CCDC14: variants seen among roughly 807,000 people sequenced by gnomAD.
CCDC14 encodes coiled-coil domain-containing protein 14.
CCDC14 carries 71 observed loss-of-function variants against 81.4 expected under a neutral mutation model. That is an observed-to-expected ratio of 0.87 (90% CI 0.72 to 1.06). The LOEUF (loss-of-function observed/expected upper bound fraction) is 1.06, where lower values mean the gene tolerates loss of function less well. Ranked by LOEUF, CCDC14 falls within the 50% of genes least tolerant of loss-of-function variation. CCDC14 has a pLI of 0.00. For synonymous variants in CCDC14, 332 were observed against 364.8 expected, an observed-to-expected ratio of 0.91 and a Z score of 1.03; for missense variants, 1,046 against 1,047.3, an observed-to-expected ratio of 1.00 and a Z score of 0.02.
At position 123,946,988 on chromosome 3, in the gene CCDC14, T is replaced by C; in HGVS notation, c.1016A>G (p.Glu339Gly). The C allele has an allele frequency of 6.2e-7, 1 of 1,614,032 alleles. No homozygotes were observed. The highest frequency in any genetic ancestry group is 8.5e-7 in the Non-Finnish European group (1 of 1,179,890). The part of the protein sequence containing the change: ...QSQPAFLATN[E>G]EKCAREQIRE... ...AATTTGCTCTCTGGCACATTTTTCT[T>C]CATTAGTGGCCAAGAAAGCTGGTTG... The change falls in exon 8 of 13, where the codon GAA (glutamate) becomes GGA (glycine). Residue 339 changes from glutamate (E) to glycine (G), a missense_variant. Coordinates refer to ENST00000409697, the MANE Select transcript of CCDC14 (RefSeq NM_001366335.1).
At chr3:123,948,323 C>T (rs575386729) in intron 7 of CCDC14, among the ~76,000 whole-genome samples, 1 of 151,840 alleles carries the variant, frequency 6.6e-6, no homozygotes, top group South Asian at 2.1e-4. Flanking sequence ...GCTACCTCTG[C>T]CTCCTGGGTC....
Position 123,914,800 on chromosome 3 carries a change from C to T in CCDC14, c.2697G>A (p.Arg899=). The change falls in exon 13 of 13, where the codon AGG becomes AGA. Residue 899 remains arginine (R), a synonymous_variant. Coordinates refer to ENST00000409697, the MANE Select transcript of CCDC14 (RefSeq NM_001366335.1). ...ANIARLQKSL[R]TGLLEK ...GAATTCATTTCTCCAGAAGACCAGT[C>T]CTTAAAGACTTCTGGAGTCTAGCTA... 2.6e-6 allele frequency: 4 copies of T among 1,559,960 alleles called. No homozygotes were observed. Among genetic ancestry groups the T allele is most frequent in the Non-Finnish European group, 2.6e-6 (3 of 1,152,252 alleles).
intron 7 of CCDC14, among the ~76,000 whole-genome samples, chr3:123,947,691 C>G (rs2036730174): frequency 6.6e-6 from 1 of 152,032 alleles, no homozygotes; most frequent in Admixed American, 6.6e-5. Flanking sequence ...TAGTCATGGC[C>G]TTGTAATGCT....
At chr3:123,903,501 C>T (rs1037865189) in intron 5 of CCDC14, among the ~76,000 whole-genome samples, 3 of 152,142 alleles carry the variant, frequency 2.0e-5, no homozygotes, top group Admixed American at 1.3e-4. Flanking sequence ...AGCAGTTCTA[C>T]TCCTGGGACT....
chr3:123,940,186 G>T (rs528607798), intron 9 of CCDC14, among the ~76,000 whole-genome samples: 4 of 151,560 alleles, frequency 2.6e-5, no homozygotes, highest in African/African-American at 9.7e-5. Flanking sequence ...AAAACTTCAG[G>T]CTTCACAATA....
intron 10 of CCDC14, among the ~76,000 whole-genome samples, chr3:123,932,318 C>A (rs1292719898): frequency 6.6e-6 from 1 of 152,190 alleles, no homozygotes; most frequent in African/African-American, 2.4e-5. Context: ...GGCCTCCTCT[C>A]TCCTACCCTC....
rs1394729890 is a variant in CCDC14, at chr3:123,914,901, T to C, written c.2596A>G (p.Ile866Val). Residue 866 changes from isoleucine to valine, a missense_variant, in exon 13 of 13, where the codon ATC (isoleucine) becomes GTC (valine). Ile to Val is a conservative substitution (Grantham distance 29). Coordinates refer to ENST00000409697, the MANE Select transcript of CCDC14 (RefSeq NM_001366335.1). The part of the protein sequence containing the change: ...FTSDLMSDWS[I>V]SSFSTFTSRD... ...GAAGTGAACGTTGAAAACGAAGAGA[T>C]GCTCCAGTCAGACATCAAGTCAGAA... The C allele has an allele frequency of 6.2e-7, 1 of 1,613,994 alleles. No individual in the cohort carries two copies. The highest frequency in any genetic ancestry group is 8.5e-7 in the Non-Finnish European group (1 of 1,179,878).
At chr3:123,921,666 T>C (rs1003765651) in intron 12 of CCDC14, among the ~76,000 whole-genome samples, 17 of 152,276 alleles carry the variant, frequency 1.1e-4, no homozygotes, top group African/African-American at 4.1e-4. Flanking sequence ...TCCAAGCTTT[T>C]GGCCTCCCTG....
At chr3:123,886,125 A>G in the CCDC14 span, among the ~76,000 whole-genome samples, 1 of 151,576 alleles carries the variant, frequency 6.6e-6, no homozygotes, top group African/African-American at 2.4e-5. Context: ...GCTCCTTTTG[A>G]TAAGATTCTA....
At chr3:123,917,703 T>C (rs1206244672) in intron 12 of CCDC14, among the ~76,000 whole-genome samples, 3 of 151,838 alleles carry the variant, frequency 2.0e-5, no homozygotes, top group Non-Finnish European at 4.4e-5. Context: ...TAATACCCAC[T>C]GTTAGAGAAG....
At position 123,915,485 on chromosome 3, in the gene CCDC14, T is replaced by C; in HGVS notation, c.2012A>G (p.Glu671Gly). The C allele has an allele frequency of 2.5e-6, 4 of 1,614,010 alleles. No individual in the cohort carries two copies. Among genetic ancestry groups the C allele is most frequent in the Non-Finnish European group, 3.4e-6 (4 of 1,179,882 alleles). The change falls in exon 13 of 13, where the codon GAG becomes GGG. Residue 671 changes from glutamate (E) to glycine (G), a missense_variant. Coordinates refer to ENST00000409697, the MANE Select transcript of CCDC14 (RefSeq NM_001366335.1). ...AACATTTTCATAGGTTTTGTCTGGC[T>C]CTATGGTTTCCTCATTTTTAATTGT... ...LSTIKNEETI[E>G]PDKTYENVLS...
At chr3:123,941,617 ATTC>A (rs547164001) in intron 9 of CCDC14, among the ~76,000 whole-genome samples, 41 of 152,138 alleles carry the variant, frequency 2.7e-4, no homozygotes, top group African/African-American at 9.1e-4. Context: ...TATCTAATAA[ATTC>A]TTCATTTTTT....
chr3:123,939,307 ATTTCT>A (rs2148890435), intron 9 of CCDC14, among the ~76,000 whole-genome samples: 1 of 151,894 alleles, frequency 6.6e-6, no homozygotes, highest in Admixed American at 6.6e-5. Context: ...ATAATTTTCT[ATTTCT>A]TTTGAGTGCC....
At chr3:123,890,529 T>C in the CCDC14 span, among the ~76,000 whole-genome samples, 2 of 152,200 alleles carry the variant, frequency 1.3e-5, no homozygotes, top group African/African-American at 4.8e-5. Flanking sequence ...AAAGGGACTA[T>C]AGGCCCCATG....
intron 12 of CCDC14, 67 bp from the exon 13 acceptor site, chr3:123,915,785 C>T (rs766325309): frequency 1.7e-6 from 2 of 1,189,294 alleles, no homozygotes; most frequent in Non-Finnish European, 2.4e-6. Context: ...CTTATCTATA[C>T]CTCCATCTTT....
intron 8 of CCDC14, among the ~76,000 whole-genome samples, chr3:123,946,456 A>G (rs1254352001): frequency 6.6e-6 from 1 of 152,128 alleles, no homozygotes; most frequent in South Asian, 2.1e-4. Flanking sequence ...AGGAAGAATA[A>G]TCAGTCTACT....
At chr3:123,891,468 T>A in the CCDC14 span, among the ~76,000 whole-genome samples, 2 of 152,330 alleles carry the variant, frequency 1.3e-5, no homozygotes, top group East Asian at 3.9e-4. Context: ...GTTTAGAAAT[T>A]TCTTCTGCCA....
intron 10 of CCDC14, among the ~76,000 whole-genome samples, chr3:123,932,642 C>T (rs2035804281): frequency 6.6e-6 from 1 of 151,804 alleles, no homozygotes; most frequent in Admixed American, 6.6e-5. Flanking sequence ...GAAAAGTTCC[C>T]CTCCAAAAAA....
At chr3:123,939,406 C>T (rs2036225707) in intron 9 of CCDC14, among the ~76,000 whole-genome samples, 3 of 144,846 alleles carry the variant, frequency 2.1e-5, no homozygotes, top group Middle Eastern at 3.6e-3. Context: ...CATGGTTTTT[C>T]TGAGATCTTC....
Sources: allele counts gnomAD v4.1 joint callset (sites outside exome capture counted in the v4.1 genomes callset), GRCh38; gene constraint gnomAD v4.1.1; transcripts MANE v1.5; gene names NCBI Gene and HGNC (gene_info 2026-07-23, HGNC 2026-07-21).